Variants in SNAP47 observed in about 807,000 individuals in gnomAD.
The protein encoded by SNAP47 is synaptosome associated protein 47.
A neutral mutation model predicts 31.4 loss-of-function variants in SNAP47; 20 were observed. The observed-to-expected ratio is 0.64, with a 90% confidence interval of 0.45 to 0.93. SNAP47 has a LOEUF of 0.93. SNAP47 is among the 40% of genes least tolerant of loss of function. SNAP47 has a pLI of 0.00. For synonymous variants in SNAP47, 194 were observed against 213.4 expected (o/e 0.91, Z 0.79); for missense variants, 492 against 528.5 (o/e 0.93, Z 0.68).
intron 3 of SNAP47, among the ~76,000 whole-genome samples, chr1:227,764,044 C>A (rs1266332030): frequency 6.6e-6 from 1 of 152,210 alleles, no homozygotes; most frequent in Non-Finnish European, 1.5e-5. Context: ...ACCCCCAGGC[C>A]AGCAAGGCTG....
upstream of SNAP47, chr1:227,734,680 A>G (rs1045285416): frequency 1.2e-6 from 2 of 1,613,984 alleles, no homozygotes; most frequent in African/African-American, 2.7e-5. Flanking sequence ...TGAGGTAGAG[A>G]CAGCCCCTGG....
chr1:227,758,950 A>G, intron 2 of SNAP47, 45 bp from the exon 3 acceptor site: 1 of 1,538,192 alleles, frequency 6.5e-7, no homozygotes, highest in Non-Finnish European at 8.7e-7. Context: ...ATTACTCCTT[A>G]AAAATGAACT....
chr1:227,764,547 C>T (rs1663265453), intron 3 of SNAP47, among the ~76,000 whole-genome samples: 2 of 152,118 alleles, frequency 1.3e-5, no homozygotes, highest in African/African-American at 4.8e-5. Flanking sequence ...GTGGGAGGAT[C>T]ACTTGGGTGC....
chr1:227,754,822 G>C (rs1662596190), intron 2 of SNAP47, among the ~76,000 whole-genome samples: 1 of 152,198 alleles, frequency 6.6e-6, no homozygotes, highest in Non-Finnish European at 1.5e-5. Context: ...GGAATCAAAA[G>C]TGTTTTGCCT....
intron 4 of SNAP47, among the ~76,000 whole-genome samples, chr1:227,774,193 G>A (rs1465295446): frequency 1.3e-5 from 2 of 152,190 alleles, no homozygotes; most frequent in African/African-American, 4.8e-5. Flanking sequence ...TGGTCTCCTG[G>A]GCCATGGGTT....
At chr1:227,733,413 C>G, upstream of SNAP47, 1 of 1,573,010 alleles carries the variant, frequency 6.4e-7, no homozygotes, top group Non-Finnish European at 8.6e-7. Context: ...CAGCACATTA[C>G]CAGGTTGTGC....
At chr1:227,775,186 C>T (rs996139566) in intron 4 of SNAP47, among the ~76,000 whole-genome samples, 1 of 152,204 alleles carries the variant, frequency 6.6e-6, no homozygotes, top group Non-Finnish European at 1.5e-5. Context: ...TGTGACAGAT[C>T]GCAGCAGAGA....
intron 3 of SNAP47, among the ~76,000 whole-genome samples, chr1:227,764,082 TCCCGGACAGTCGAGTCA>T (rs919953474): frequency 1.3e-5 from 2 of 152,178 alleles, no homozygotes; most frequent in African/African-American, 4.8e-5. Context: ...CACTTCCTAC[TCCCGGACAGTCGAGTCA>T]CCCCACCCTT....
upstream of SNAP47, chr1:227,734,440 A>T (rs13373815): frequency 0.019 from 8,120 of 427,368 alleles, 310 homozygotes; most frequent in African/African-American, 0.099. Flanking sequence ...GATCTCTCTC[A>T]AAAAAAAAGG....
chr1:227,741,582 C>G lies in SNAP47; in HGVS notation c.-46+6083C>G, dbSNP rs1451305821. ...GTGGTCCTTCACGGAGAGTGCAGTG[C>G]CTGGCATGGGAGGGCCGGAGAGGTC... is the stretch of plus-strand genomic sequence containing the variant. On this transcript the variant is annotated intron_variant, in intron 1 of 4. Transcript: ENST00000617596. This position sits in a 1 kb window ranked among gnomAD's most constrained non-coding sequence, Gnocchi z 4.2. Among the ~76,000 whole-genome samples the G allele has an allele frequency of 6.6e-6, 1 of 152,106 alleles. No homozygotes were observed. The highest frequency in any genetic ancestry group is 1.9e-4 in the East Asian group (1 of 5,188).
At chr1:227,771,999 G>A (rs886419522) in intron 4 of SNAP47, among the ~76,000 whole-genome samples, 1 of 152,124 alleles carries the variant, frequency 6.6e-6, no homozygotes, top group Admixed American at 6.5e-5. Flanking sequence ...AGGTCAAGCA[G>A]AGACCGAGTG....
intron 2 of SNAP47, among the ~76,000 whole-genome samples, chr1:227,755,430 A>G (rs1240671271): frequency 6.6e-6 from 1 of 151,730 alleles, no homozygotes; most frequent in Non-Finnish European, 1.5e-5. Flanking sequence ...TCTGTCACCC[A>G]GGCAGGAATG....
rs1366671644 is a variant in SNAP47 at position 227,759,054 on chromosome 1, C to T, written c.557C>T (p.Thr186Ile). The change falls in exon 3 of 5, where the codon ACA becomes ATA. Residue 186 changes from threonine (T) to isoleucine (I), a missense_variant. Physicochemically the swap from Thr to Ile is moderately conservative, Grantham distance 89. Transcript: ENST00000617596. ...WWPFSSKLWK[T>I]PPETKPREDV... ...CCCTTTAGCTCCAAGCTTTGGAAGA[C>T]ACCACCGGAAACAAAGCCCAGGGAA... 1 of 1,613,846 alleles carries T rather than the reference C, an allele frequency of 6.2e-7. No individual in the cohort carries two copies. Among genetic ancestry groups the T allele is most frequent in the Non-Finnish European group, 8.5e-7 (1 of 1,179,918 alleles).
Position 227,741,745 on chromosome 1 carries a change from T to A in SNAP47, c.-45-5947T>A, listed in dbSNP as rs1339717135. Among the ~76,000 whole-genome samples, 1 of 151,782 alleles carries A rather than the reference T, an allele frequency of 6.6e-6. No homozygotes were observed. Among genetic ancestry groups the A allele is most frequent in the Admixed American group, 6.6e-5 (1 of 15,242 alleles). On this transcript the variant is annotated intron_variant, in intron 1 of 4. Transcript: ENST00000617596. The surrounding 1 kb of genome is among the most constrained non-coding windows in gnomAD (Gnocchi z 4.2). ...CGGGTAGGGGAATGGCTGGCCGGCGTGGGGGCCGTGTTCAAGATTGGGCTG... is the reference window on the plus strand; with the variant it reads ...CGGGTAGGGGAATGGCTGGCCGGCGAGGGGGCCGTGTTCAAGATTGGGCTG...
chr1:227,735,288 G>T, upstream of SNAP47: 4 of 1,606,056 alleles, frequency 2.5e-6, no homozygotes, highest in South Asian at 3.3e-5. Flanking sequence ...CTCAGCACGG[G>T]TCGAAGGACC....
Position 227,747,716 on chromosome 1 carries a change from C to A in SNAP47, c.-21C>A, listed in dbSNP as rs58295986. ...GAGGCAGAAGAGGCCTGGACCTTGG[C>A]GCACACAGACCCAGGAACAGATGAG... On this transcript the variant is annotated 5_prime_UTR_variant, in exon 2 of 5. Coordinates refer to ENST00000617596, the MANE Select transcript of SNAP47 (RefSeq NM_053052.4). 6.8e-6 allele frequency: 11 copies of A among 1,605,938 alleles called. No homozygotes were observed. The highest frequency in any genetic ancestry group is 4.0e-5 in the African/African-American group (3 of 74,700).
intron 3 of SNAP47, 73 bp from the exon 4 acceptor site, chr1:227,766,886 C>T (rs947016353): frequency 6.3e-6 from 10 of 1,586,892 alleles, no homozygotes; most frequent in South Asian, 1.1e-5. Flanking sequence ...AGACCACGCT[C>T]TGCCATCCAG....
At chr1:227,742,723 C>T (rs2102901781) in intron 1 of SNAP47, among the ~76,000 whole-genome samples, 1 of 152,332 alleles carries the variant, frequency 6.6e-6, no homozygotes, top group East Asian at 1.9e-4. Context: ...GCAGCCTCTT[C>T]AGCCAGGAGC....
intron 2 of SNAP47, among the ~76,000 whole-genome samples, chr1:227,758,210 C>T (rs986544265): frequency 1.3e-5 from 2 of 152,180 alleles, no homozygotes; most frequent in Non-Finnish European, 2.9e-5. Flanking sequence ...CTGAGAACCC[C>T]AGTGTAGACG....
Sources: gnomAD v4.1 joint callset for allele counts (sites outside exome capture counted in the v4.1 genomes callset) on GRCh38, gnomAD v4.1.1 for gene constraint, Gnocchi (gnomAD v3.1) non-coding constraint, MANE v1.5 for transcripts, NCBI Gene and HGNC (gene_info 2026-07-23, HGNC 2026-07-21) for gene names.